The following ANKH variants were observed in gnomAD, a reference collection of about 807,000 sequenced individuals.
The protein encoded by ANKH is ANKH inorganic pyrophosphate transport regulator.
ANKH carries 15 observed loss-of-function variants against 49.0 expected under a neutral mutation model. That is an observed-to-expected ratio of 0.31 (90% CI 0.20 to 0.47). The LOEUF is 0.47. ANKH is among the 20% of genes least tolerant of loss of function. ANKH has a pLI of 1.00. For missense variants in ANKH, 429 were observed against 652.0 expected (o/e 0.66, Z 3.72); for synonymous variants, 273 against 260.0 (o/e 1.05, Z -0.48).
intron 1 of ANKH, among the ~76,000 whole-genome samples, chr5:14,780,240 T>C (rs1739765963): frequency 6.6e-6 from 1 of 152,032 alleles, no homozygotes. Context: ...CATGACCACA[T>C]GGTTAGAAAA....
Position 14,749,309 on chromosome 5 carries a change from G to A in ANKH, c.688-3C>T, listed in dbSNP as rs1738637998. 6.2e-7 allele frequency: 1 copy of A among 1,614,166 alleles called. No homozygotes were observed. Among genetic ancestry groups the A allele is most frequent in the Admixed American group, 1.7e-5 (1 of 60,030 alleles). The stretch of plus-strand genomic sequence containing the variant: ...ATCTTTCTTATTGTTGCATCTCCCT[G>A]TGTTAAGAAACGAAGATAAAAGTTA... On this transcript the variant is annotated splice_polypyrimidine_tract_variant and splice_region_variant and intron_variant, in intron 5 of 11. Coordinates refer to ENST00000284268, the MANE Select transcript of ANKH (RefSeq NM_054027.6).
intron 1 of ANKH, among the ~76,000 whole-genome samples, chr5:14,809,556 A>C (rs1740816844): frequency 6.6e-6 from 1 of 152,162 alleles, no homozygotes; most frequent in African/African-American, 2.4e-5. Context: ...CTCTGTCTCA[A>C]TCAGTCAATC....
At chr5:14,793,764 G>C (rs139716697) in intron 1 of ANKH, among the ~76,000 whole-genome samples, 38 of 152,200 alleles carry the variant, frequency 2.5e-4, no homozygotes, top group Non-Finnish European at 5.0e-4. Flanking sequence ...GTGTGGCCTT[G>C]CGGGGGCAGT....
At chr5:14,773,677 A>G (rs1739521444) in intron 1 of ANKH, among the ~76,000 whole-genome samples, 2 of 152,196 alleles carry the variant, frequency 1.3e-5, no homozygotes, top group South Asian at 2.1e-4. Context: ...AAATAACCCA[A>G]CTGATTTGAG....
intron 9 of ANKH, among the ~76,000 whole-genome samples, chr5:14,716,182 T>C (rs902550979): frequency 6.6e-6 from 1 of 152,236 alleles, no homozygotes; most frequent in Non-Finnish European, 1.5e-5. Flanking sequence ...TCCTTTTTAC[T>C]GTTTTTGTAA....
intron 8 of ANKH, among the ~76,000 whole-genome samples, chr5:14,717,865 G>A (rs1199849844): frequency 6.6e-6 from 1 of 152,184 alleles, no homozygotes; most frequent in Non-Finnish European, 1.5e-5. Flanking sequence ...TTTACTTTGA[G>A]AGTCATGTCA....
chr5:14,736,261 C>T (rs1487688100), intron 8 of ANKH, among the ~76,000 whole-genome samples: 45 of 152,092 alleles, frequency 3.0e-4, no homozygotes, highest in Admixed American at 2.9e-3. Flanking sequence ...TGGATGTAGT[C>T]TGGGGGCCCT....
rs553374542 is a variant in ANKH at position 14,801,135 on chromosome 5, G to C, written c.97-31944C>G. The stretch of plus-strand genomic sequence containing the variant: ...GGAACCGAAGCCGCAATAGCTCCAA[G>C]GGATGCCTATATAATTTGATGTACA... On this transcript the variant is annotated intron_variant, in intron 1 of 11. Transcript: ENST00000284268. 2.6e-5 allele frequency among the ~76,000 whole-genome samples: 4 copies of C among 152,336 alleles called. No individual in the cohort carries two copies. The East Asian group carries it at 5.8e-4, about 22-fold the overall frequency.
Position 14,871,466 on chromosome 5 carries a change from AC to A in ANKH, c.-20del. ...TCACCATAGTCCCCGCCGTGGGCTG[AC>A]CCCACACACATCTGCTGCCGCGAGG... On this transcript the variant is annotated 5_prime_UTR_variant, in exon 1 of 12. Coordinates refer to ENST00000284268, the MANE Select transcript of ANKH (RefSeq NM_054027.6). 1.9e-6 allele frequency: 3 copies of A among 1,600,790 alleles called. No homozygotes were observed. The highest frequency in any genetic ancestry group is 2.6e-6 in the Non-Finnish European group (3 of 1,170,546).
intron 1 of ANKH, among the ~76,000 whole-genome samples, chr5:14,779,800 A>T (rs1466792913): frequency 6.6e-6 from 1 of 152,208 alleles, no homozygotes; most frequent in Non-Finnish European, 1.5e-5. Flanking sequence ...TAGGTCTTCC[A>T]TGACTACTTC....
At chr5:14,781,008 T>C (rs565761217) in intron 1 of ANKH, among the ~76,000 whole-genome samples, 22 of 152,338 alleles carry the variant, frequency 1.4e-4, no homozygotes, top group African/African-American at 5.3e-4. Flanking sequence ...CAGTTACCTG[T>C]GGGAAGAGCT....
chr5:14,783,205 C>A (rs1360328902), intron 1 of ANKH, among the ~76,000 whole-genome samples: 2 of 150,882 alleles, frequency 1.3e-5, no homozygotes, highest in African/African-American at 2.4e-5. Flanking sequence ...TCTCACTGAG[C>A]CATTTGTTAG....
intron 1 of ANKH, among the ~76,000 whole-genome samples, chr5:14,847,308 T>G (rs2126616825): frequency 6.6e-6 from 1 of 152,264 alleles, no homozygotes; most frequent in African/African-American, 2.4e-5. Context: ...GTTACTGGTT[T>G]GGAAATAAAG....
chr5:14,771,702 C>A (rs1420761984), intron 1 of ANKH, among the ~76,000 whole-genome samples: 1 of 152,050 alleles, frequency 6.6e-6, no homozygotes, highest in Admixed American at 6.5e-5. Flanking sequence ...GGGCAGATCC[C>A]TTGAGGACAG....
At position 14,795,321 on chromosome 5, in the gene ANKH, T is replaced by C. The variant is rs376347140; in HGVS notation, c.97-26130A>G. ...CCTACTAAACAATGGTGTTTATTACTTGAACAGTGAACATTTTCTGCATTT... is the reference window on the plus strand; with the variant it reads ...CCTACTAAACAATGGTGTTTATTACCTGAACAGTGAACATTTTCTGCATTT... On this transcript the variant is annotated intron_variant, in intron 1 of 11. Coordinates refer to ENST00000284268, the MANE Select transcript of ANKH (RefSeq NM_054027.6). Among the ~76,000 whole-genome samples, 5 of 152,310 alleles carry C rather than the reference T, an allele frequency of 3.3e-5. No homozygotes were observed. In the East Asian group the frequency reaches 7.7e-4, roughly 24 times the overall value.
chr5:14,708,015 C>T lies in ANKH; in HGVS notation c.*3182G>A, dbSNP rs62344903. The stretch of plus-strand genomic sequence containing the variant: ...GCCAATGTGCAAATCCGTCAATACT[C>T]CCTGAGCCATGTGGCCGGCAGGTCC... On this transcript the variant is annotated 3_prime_UTR_variant, in exon 12 of 12. Transcript: ENST00000284268. 1 of 152,192 alleles carries T rather than the reference C, an allele frequency of 6.6e-6. No homozygotes were observed. Among genetic ancestry groups the T allele is most frequent in the African/African-American group, 2.4e-5 (1 of 41,452 alleles). The allele number at this position is 152,192 out of a possible 1,614,324, so 9.4% of individuals were successfully genotyped here.
intron 1 of ANKH, among the ~76,000 whole-genome samples, chr5:14,864,185 C>T (rs1435145782): frequency 6.6e-6 from 1 of 152,194 alleles, no homozygotes; most frequent in Admixed American, 6.5e-5. Flanking sequence ...TGTTCTCCAG[C>T]CTGGGCCACA....
Position 14,846,577 on chromosome 5 carries a change from A to C in ANKH, c.96+24775T>G, listed in dbSNP as rs546504852. On this transcript the variant is annotated intron_variant, in intron 1 of 11. Transcript: ENST00000284268. ...TCAAGAGCAAGTGACAAAGTCCCAG[A>C]GAAGCAACTGAGTACTGTCTCTTGG... Among the ~76,000 whole-genome samples, 3 of 152,340 alleles carry C rather than the reference A, an allele frequency of 2.0e-5. No individual in the cohort carries two copies. In the South Asian group the frequency reaches 6.2e-4, roughly 32 times the overall value.
intron 1 of ANKH, among the ~76,000 whole-genome samples, chr5:14,841,734 C>T (rs945367193): frequency 6.6e-6 from 1 of 152,198 alleles, no homozygotes; most frequent in Non-Finnish European, 1.5e-5. Flanking sequence ...ACACTAACTC[C>T]CAATTATCTT....
Sources: allele counts gnomAD v4.1 joint callset (sites outside exome capture counted in the v4.1 genomes callset), GRCh38; gene constraint gnomAD v4.1.1; transcripts MANE v1.5; gene names NCBI Gene and HGNC (gene_info 2026-07-23, HGNC 2026-07-21).